EPB41L3: variants seen among roughly 807,000 people sequenced by gnomAD.
EPB41L3 encodes band 4.1-like protein 3.
In EPB41L3, 57 loss-of-function variants were observed where a neutral mutation model predicts 127.1. The observed-to-expected ratio is 0.45, with a 90% CI of 0.36 to 0.56. EPB41L3 has a LOEUF of 0.56. EPB41L3 is among the 20% of genes least tolerant of loss of function. The probability of loss-of-function intolerance (pLI) is 0.00; values close to 1 mark genes in which losing one functional copy is unlikely to be tolerated. For synonymous variants in EPB41L3, 572 were observed against 549.5 expected (o/e 1.04, Z -0.57); for missense variants, 1,273 against 1,372.2 (o/e 0.93, Z 1.14).
chr18:5,580,898 C>T (rs372146689), intron 3 of EPB41L3, among the ~76,000 whole-genome samples: 1 of 152,190 alleles, frequency 6.6e-6, no homozygotes, highest in South Asian at 2.1e-4. Context: ...GGCTGCTACT[C>T]ACACCAGCAT....
At chr18:5,432,682 GAC>G (rs1271822904) in intron 8 of EPB41L3, among the ~76,000 whole-genome samples, 2 of 152,164 alleles carry the variant, frequency 1.3e-5, no homozygotes, top group Non-Finnish European at 2.9e-5. Flanking sequence ...GGAAAAGCAT[GAC>G]ACAGAGTCAA....
Position 5,416,111 on chromosome 18 carries a change from G to A in EPB41L3, c.1774C>T (p.Leu592Phe), listed in dbSNP as rs756880758. 8 of 1,612,722 alleles carry A rather than the reference G, an allele frequency of 5.0e-6. No homozygotes were observed. The highest frequency in any genetic ancestry group is 2.7e-5 in the African/African-American group (2 of 74,996). ...AGGAGGGAGGGGAATGACTCAGGGA[G>A]CTGCAAGGAGAAGGAGAACAGGGTG... ...GTTLFSFSLQ[L>F]PESFPSLLDD... Residue 592 changes from leucine (L) to phenylalanine (F), a missense_variant, in exon 13 of 23, where the codon CTC becomes TTC. Coordinates refer to ENST00000341928, the MANE Select transcript of EPB41L3 (RefSeq NM_012307.5).
intron 2 of EPB41L3, among the ~76,000 whole-genome samples, chr18:5,486,577 T>C (rs1468900110): frequency 6.6e-6 from 1 of 152,084 alleles, no homozygotes; most frequent in African/African-American, 2.4e-5. Context: ...TTGCAAAGTG[T>C]CTACCTGACA....
chr18:5,455,984 CTT>C (rs2082995389), intron 3 of EPB41L3, among the ~76,000 whole-genome samples: 1 of 152,056 alleles, frequency 6.6e-6, no homozygotes, highest in South Asian at 2.1e-4. Flanking sequence ...TGACGTGAAA[CTT>C]TGAGAATTTT....
At chr18:5,599,506 A>C (rs2094568729) in intron 3 of EPB41L3, among the ~76,000 whole-genome samples, 2 of 152,074 alleles carry the variant, frequency 1.3e-5, no homozygotes, top group Admixed American at 1.3e-4. Flanking sequence ...CCAGTGTTGG[A>C]GGTGGGGCCT....
intron 1 of EPB41L3, among the ~76,000 whole-genome samples, chr18:5,521,989 A>G (rs2093009371): frequency 6.6e-6 from 1 of 152,246 alleles, no homozygotes; most frequent in Admixed American, 6.5e-5. Context: ...AACTTGTAGC[A>G]ATAATGCAAT....
intron 16 of EPB41L3, 26 bp downstream of exon 16, chr18:5,406,751 G>A (rs2143896541): frequency 3.1e-6 from 5 of 1,600,092 alleles, no homozygotes; most frequent in African/African-American, 1.3e-5. Flanking sequence ...CAGAATACGA[G>A]TCTGACCACA....
Position 5,543,920 on chromosome 18 carries a change from C to A in EPB41L3, c.-19G>T, listed in dbSNP as rs547485374. The stretch of plus-strand genomic sequence containing the variant: ...GAGAGGCGGAAAAGTTACCTGGGAT[C>A]AGCAGGGAGCCCGGGCGCGCCGCGG... On this transcript the variant is annotated 5_prime_UTR_variant, in exon 1 of 23. Coordinates refer to ENST00000341928, the MANE Select transcript of EPB41L3 (RefSeq NM_012307.5). This position sits in a 1 kb window ranked among gnomAD's most constrained non-coding sequence, Gnocchi z 5.2. The A allele has an allele frequency of 3.9e-5, 38 of 985,620 alleles. No individual in the cohort carries two copies. The African/African-American group carries it at 6.6e-4, about 17-fold the overall frequency. The allele number at this position is 985,620 out of a possible 1,614,324, so 61.1% of individuals were successfully genotyped here.
chr18:5,556,579 T>C lies in EPB41L3; in HGVS notation c.-306+55761A>G, dbSNP rs149906207. The stretch of plus-strand genomic sequence containing the variant: ...CATTTGCTCCCTGGATGCCAGTGAT[T>C]AATCTCATTAGGAAAGTTAGAGGGC... On this transcript the variant is annotated intron_variant, in intron 3 of 21. Coordinates refer to the EPB41L3 transcript ENST00000545076. 9.2e-5 allele frequency among the ~76,000 whole-genome samples: 14 copies of C among 152,318 alleles called. No homozygotes were observed. The East Asian group carries it at 1.4e-3, about 15-fold the overall frequency.
intron 11 of EPB41L3, chr18:5,420,171 A>G: frequency 2.1e-6 from 1 of 479,860 alleles, no homozygotes; most frequent in Admixed American, 3.5e-5. Flanking sequence ...CTATCCTCAG[A>G]CTCTCTGCTG....
rs924628605 is a variant in EPB41L3, at chr18:5,489,104, C to A, written c.80G>T (p.Gly27Val). 1.9e-6 allele frequency: 3 copies of A among 1,595,192 alleles called. No homozygotes were observed. The highest frequency in any genetic ancestry group is 1.7e-6 in the Non-Finnish European group (2 of 1,174,880). The change falls in exon 2 of 23, where the codon GGG becomes GTG. Residue 27 changes from glycine (G) to valine (V), a missense_variant. Gly to Val is a moderately radical substitution (Grantham distance 109). Coordinates refer to ENST00000341928, the MANE Select transcript of EPB41L3 (RefSeq NM_012307.5). ...AEPQEAAGAQ[G>V]RAGAPVPEPP... ...CTCCGGCACGGGCGCCCCCGCGCGCCCCTGCGCCCCCGCCGCCTCCTGGGG... is the reference window on the plus strand; with the variant it reads ...CTCCGGCACGGGCGCCCCCGCGCGCACCTGCGCCCCCGCCGCCTCCTGGGG...
chr18:5,594,709 C>A (rs150550906), intron 3 of EPB41L3, among the ~76,000 whole-genome samples: 102 of 152,294 alleles, frequency 6.7e-4, no homozygotes, highest in African/African-American at 2.3e-3. Context: ...ATTTAAGCAG[C>A]ATTTGGCAGT....
chr18:5,410,455 T>C, intron 14 of EPB41L3, 111 bp downstream of exon 14: 2 of 774,438 alleles, frequency 2.6e-6, no homozygotes, highest in Non-Finnish European at 4.6e-6. Flanking sequence ...CTGTTAAAGT[T>C]AGAACTGATC....
chr18:5,560,428 CA>C (rs2094108437), intron 3 of EPB41L3, among the ~76,000 whole-genome samples: 1 of 152,090 alleles, frequency 6.6e-6, no homozygotes, highest in Non-Finnish European at 1.5e-5. Context: ...ACTATTTTGG[CA>C]GTACAATCAG....
chr18:5,559,875 AGTT>A (rs1341186601), intron 3 of EPB41L3, among the ~76,000 whole-genome samples: 5 of 152,198 alleles, frequency 3.3e-5, no homozygotes, highest in African/African-American at 1.2e-4. Context: ...ACTAGAAAAA[AGTT>A]GTTATTACCA....
chr18:5,430,840 G>A (rs2078914934), intron 8 of EPB41L3, among the ~76,000 whole-genome samples: 1 of 151,846 alleles, frequency 6.6e-6, no homozygotes, highest in Non-Finnish European at 1.5e-5. Context: ...ACAGGTGTGA[G>A]CCACCTTGCT....
chr18:5,546,842 G>A (rs1278136732), upstream of EPB41L3, among the ~76,000 whole-genome samples: 1 of 152,136 alleles, frequency 6.6e-6, no homozygotes, highest in African/African-American at 2.4e-5. Flanking sequence ...TCCTCTCTTA[G>A]TCCTCTCTGT....
At chr18:5,590,051 C>T (rs2094472248) in intron 3 of EPB41L3, among the ~76,000 whole-genome samples, 1 of 152,114 alleles carries the variant, frequency 6.6e-6, no homozygotes, top group Non-Finnish European at 1.5e-5. Flanking sequence ...GAGAAACATC[C>T]ATTTATTTTC....
chr18:5,606,427 C>A (rs1241085141), intron 3 of EPB41L3, among the ~76,000 whole-genome samples: 1 of 151,972 alleles, frequency 6.6e-6, no homozygotes, highest in Admixed American at 6.6e-5. Context: ...TTGTTTAGGC[C>A]TCCCTTACAT....
Sources: gnomAD v4.1 joint callset for allele counts (sites outside exome capture counted in the v4.1 genomes callset) on GRCh38, gnomAD v4.1.1 for gene constraint, Gnocchi (gnomAD v3.1) non-coding constraint, MANE v1.5 for transcripts, NCBI Gene and HGNC (gene_info 2026-07-23, HGNC 2026-07-21) for gene names.